The following NRXN1 variants were observed in gnomAD, a reference collection of about 807,000 sequenced individuals.
NRXN1 encodes neurexin 1.
In NRXN1, 39 loss-of-function variants were observed where a neutral mutation model predicts 150.9. The observed-to-expected ratio is 0.26, with a 90% CI of 0.20 to 0.34. The LOEUF (loss-of-function observed/expected upper bound fraction) is 0.34, where lower values mean the gene tolerates loss of function less well. Among genes scored for constraint, NRXN1 ranks in the 10% least tolerant of loss-of-function variants. The pLI, the probability that NRXN1 is intolerant of heterozygous loss-of-function variation, is 1.00. For synonymous variants in NRXN1, 924 were observed against 757.0 expected (o/e 1.22, Z -3.62); for missense variants, 1,815 against 1,949.9 (o/e 0.93, Z 1.30).
At chr2:51,006,063 C>T (rs917982960) in intron 2 of NRXN1, among the ~76,000 whole-genome samples, 5 of 151,732 alleles carry the variant, frequency 3.3e-5, no homozygotes, top group Non-Finnish European at 7.4e-5. Flanking sequence ...TCTTGGATTT[C>T]TCGGTATGAT....
At chr2:50,409,299 G>A (rs1262251191) in intron 17 of NRXN1, among the ~76,000 whole-genome samples, 2 of 152,084 alleles carry the variant, frequency 1.3e-5, no homozygotes, top group African/African-American at 4.8e-5. Flanking sequence ...TCAGTTTCCT[G>A]GCCAAAACTG....
chr2:50,727,419 C>G (rs1697516898), intron 5 of NRXN1, among the ~76,000 whole-genome samples: 1 of 147,046 alleles, frequency 6.8e-6, no homozygotes, highest in Non-Finnish European at 1.5e-5. Flanking sequence ...TCCTGCTAGT[C>G]TATCAACAGT....
At chr2:50,774,164 G>A (rs1703328548) in intron 5 of NRXN1, among the ~76,000 whole-genome samples, 2 of 152,136 alleles carry the variant, frequency 1.3e-5, no homozygotes, top group South Asian at 4.2e-4. Flanking sequence ...TCCCTTTAAT[G>A]ATACTGTTGT....
intron 8 of NRXN1, among the ~76,000 whole-genome samples, chr2:50,587,531 C>A (rs1673374036): frequency 6.6e-6 from 1 of 152,078 alleles, no homozygotes; most frequent in Admixed American, 6.6e-5. Context: ...TGCCTTGTAA[C>A]TGAAAACCAA....
intron 2 of NRXN1, among the ~76,000 whole-genome samples, chr2:50,979,943 A>G (rs1451198998): frequency 6.6e-6 from 1 of 152,154 alleles, no homozygotes; most frequent in African/African-American, 2.4e-5. Flanking sequence ...ATTTGGAGTA[A>G]TATCACGTTT....
At chr2:50,437,310 G>T (rs750990915) in intron 17 of NRXN1, among the ~76,000 whole-genome samples, 11 of 152,120 alleles carry the variant, frequency 7.2e-5, no homozygotes, top group Non-Finnish European at 1.5e-4. Context: ...TTGGCACCAA[G>T]ATTTTTCTAC....
At chr2:50,176,241 A>C (rs1178228327) in intron 18 of NRXN1, among the ~76,000 whole-genome samples, 1 of 152,166 alleles carries the variant, frequency 6.6e-6, no homozygotes, top group Non-Finnish European at 1.5e-5. Flanking sequence ...CTCTTATTGA[A>C]ATTTTTTAGC....
At chr2:50,010,748 C>G (rs183639513) in intron 21 of NRXN1, among the ~76,000 whole-genome samples, 1 of 152,224 alleles carries the variant, frequency 6.6e-6, no homozygotes, top group East Asian at 1.9e-4. Flanking sequence ...AAAAGAAATT[C>G]TCAATAGCAC....
chr2:50,204,939 G>A (rs1047966814), intron 18 of NRXN1, among the ~76,000 whole-genome samples: 8 of 151,864 alleles, frequency 5.3e-5, no homozygotes, highest in African/African-American at 1.9e-4. Context: ...ATCTCTATTA[G>A]ACACTTATGC....
At chr2:49,981,509 T>G (rs1217848321) in intron 21 of NRXN1, among the ~76,000 whole-genome samples, 1 of 152,056 alleles carries the variant, frequency 6.6e-6, no homozygotes, top group Non-Finnish European at 1.5e-5. Flanking sequence ...TGAATACAGC[T>G]TGTCAGGCAT....
At chr2:50,099,104 G>A (rs777788616) in intron 18 of NRXN1, among the ~76,000 whole-genome samples, 15 of 151,894 alleles carry the variant, frequency 9.9e-5, no homozygotes, top group African/African-American at 1.7e-4. Flanking sequence ...TTCTGGCAGC[G>A]ATATTAACTT....
In NRXN1 at chr2:50,903,149, T is replaced by C. The variant is rs1683179119; in HGVS notation, c.832+18720A>G. On this transcript the variant is annotated intron_variant, in intron 5 of 22. Coordinates refer to ENST00000401669, the MANE Select transcript of NRXN1 (RefSeq NM_001330078.2). ...CAGGAAGAATAAAGCTATGTTTATT[T>C]AGACAGGGCCAGAACTTTTTTTAAA... Among the ~76,000 whole-genome samples the C allele has an allele frequency of 2.0e-5, 3 of 152,302 alleles. No homozygotes were observed. In the South Asian group the frequency reaches 6.2e-4, roughly 32 times the overall value.
chr2:50,731,320 CAG>C (rs1698074771), intron 5 of NRXN1, among the ~76,000 whole-genome samples: 1 of 152,110 alleles, frequency 6.6e-6, no homozygotes, highest in South Asian at 2.1e-4. Flanking sequence ...AAAAACTAAA[CAG>C]AAAGTTTGCA....
chr2:50,841,994 C>G (rs1672948388), intron 5 of NRXN1, among the ~76,000 whole-genome samples: 1 of 152,158 alleles, frequency 6.6e-6, no homozygotes, highest in Admixed American at 6.5e-5. Context: ...TGCAAAGTGT[C>G]TTTCATTTTG....
intron 8 of NRXN1, among the ~76,000 whole-genome samples, chr2:50,573,994 TATATC>T (rs1229028445): frequency 6.6e-6 from 1 of 152,122 alleles, no homozygotes; most frequent in Non-Finnish European, 1.5e-5. Flanking sequence ...CTCAGATGGT[TATATC>T]ATATAACAAA....
At chr2:50,257,513 G>A (rs1180936367) in intron 17 of NRXN1, among the ~76,000 whole-genome samples, 1 of 151,884 alleles carries the variant, frequency 6.6e-6, no homozygotes, top group Non-Finnish European at 1.5e-5. Flanking sequence ...CAGATTTACG[G>A]CTTGAAAATG....
chr2:50,733,052 T>C (rs1166592814), intron 5 of NRXN1, among the ~76,000 whole-genome samples: 3 of 152,180 alleles, frequency 2.0e-5, no homozygotes, highest in Non-Finnish European at 4.4e-5. Context: ...GAATTATTAA[T>C]GTAACTGTCT....
At chr2:50,284,725 C>G (rs1207840464) in intron 17 of NRXN1, among the ~76,000 whole-genome samples, 1 of 152,128 alleles carries the variant, frequency 6.6e-6, no homozygotes, top group African/African-American at 2.4e-5. Flanking sequence ...TTGATATTTT[C>G]TGTTTCTTTT....
chr2:50,522,496 A>C (rs2092815547), intron 12 of NRXN1, among the ~76,000 whole-genome samples: 1 of 152,106 alleles, frequency 6.6e-6, no homozygotes, highest in South Asian at 2.1e-4. Context: ...AGTTTTTAGA[A>C]TATCACAGCA....
Sources: gnomAD v4.1 joint callset for allele counts (sites outside exome capture counted in the v4.1 genomes callset) on GRCh38, gnomAD v4.1.1 for gene constraint, MANE v1.5 for transcripts, NCBI Gene and HGNC (gene_info 2026-07-23, HGNC 2026-07-21) for gene names.